The following SNX13 variants were observed in gnomAD, a reference collection of about 807,000 sequenced individuals.
The protein encoded by SNX13 is sorting nexin 13, also known as sorting nexin-13.
A neutral mutation model predicts 133.6 loss-of-function variants in SNX13; 45 were observed. The observed-to-expected ratio is 0.34, with a 90% CI of 0.27 to 0.43. The LOEUF (loss-of-function observed/expected upper bound fraction) is 0.43. Among genes scored for constraint, SNX13 ranks in the 20% least tolerant of loss-of-function variants. The pLI is 1.00. For synonymous variants in SNX13, 414 were observed against 373.9 expected (o/e 1.11, Z -1.24); for missense variants, 1,032 against 1,145.1 (o/e 0.90, Z 1.43).
At chr7:17,891,991 C>G (rs1253274979) in intron 3 of SNX13, among the ~76,000 whole-genome samples, 1 of 152,052 alleles carries the variant, frequency 6.6e-6, no homozygotes, top group Non-Finnish European at 1.5e-5. Context: ...TGCCCCTCCC[C>G]TTTCCCAGCC....
chr7:17,839,591 T>C (rs962405051), intron 13 of SNX13, among the ~76,000 whole-genome samples: 1 of 152,020 alleles, frequency 6.6e-6, no homozygotes, highest in South Asian at 2.1e-4. Context: ...TTGAATCTTA[T>C]TCTATCATTT....
At chr7:17,797,799 A>G (rs2128283592) in intron 24 of SNX13, among the ~76,000 whole-genome samples, 1 of 151,984 alleles carries the variant, frequency 6.6e-6, no homozygotes, top group South Asian at 2.1e-4. Context: ...CAGGGCAGCT[A>G]GTCCAAGTTT....
intron 12 of SNX13, among the ~76,000 whole-genome samples, chr7:17,843,138 A>T (rs924890054): frequency 1.3e-5 from 2 of 152,036 alleles, no homozygotes; most frequent in African/African-American, 4.8e-5. Flanking sequence ...CAAAAGACAG[A>T]GACTGGCAGA....
At position 17,807,658 on chromosome 7, in the gene SNX13, GCCT is replaced by G. The variant is rs1427954495; in HGVS notation, c.2065-4081_2065-4079del. 2.0e-5 allele frequency among the ~76,000 whole-genome samples: 3 copies of G among 152,156 alleles called. No individual in the cohort carries two copies. In the East Asian group the frequency reaches 5.8e-4, roughly 29 times the overall value. ...CCTCATGTGGGTCCCTGAGCCCCAT[GCCT>G]CCTGACTGGGAGACACCTCCCATCA... On this transcript the variant is annotated intron_variant, in intron 20 of 25. Coordinates refer to ENST00000428135, the MANE Select transcript of SNX13 (RefSeq NM_015132.5).
rs537194491 is a variant in SNX13 at position 17,815,963 on chromosome 7, G to T, written c.1953+219C>A. Among the ~76,000 whole-genome samples, 27 of 152,230 alleles carry T rather than the reference G, an allele frequency of 1.8e-4. 1 individual carries two copies. In the South Asian group the frequency reaches 5.0e-3, roughly 28 times the overall value. ...CACAAACAAGCAAAATCCCTAACAT[G>T]GAGTGTCTAGAAAACTTCTAAGTTA... On this transcript the variant is annotated intron_variant, in intron 19 of 25. Transcript: ENST00000428135.
chr7:17,901,286 G>A (rs1039525547), intron 1 of SNX13, among the ~76,000 whole-genome samples: 1 of 152,158 alleles, frequency 6.6e-6, no homozygotes, highest in Non-Finnish European at 1.5e-5. Flanking sequence ...CTTGGGGTGG[G>A]AGGAAGGGTG....
intron 1 of SNX13, among the ~76,000 whole-genome samples, chr7:17,909,834 C>T (rs940592511): frequency 2.0e-5 from 3 of 152,184 alleles, no homozygotes; most frequent in African/African-American, 7.2e-5. Flanking sequence ...ACCTATGTAA[C>T]AAATCTGCAC....
intron 1 of SNX13, among the ~76,000 whole-genome samples, chr7:17,917,201 C>T (rs1321378634): frequency 6.6e-6 from 1 of 152,126 alleles, no homozygotes; most frequent in East Asian, 1.9e-4. Context: ...CACCCACAGC[C>T]AACATCATCA....
At chr7:17,922,752 C>A in intron 1 of SNX13, among the ~76,000 whole-genome samples, 1 of 95,992 alleles carries the variant, frequency 1.0e-5, no homozygotes, top group East Asian at 3.2e-4. Context: ...TAAACAAAAA[C>A]TACTGGGAAA....
chr7:17,901,484 C>A (rs764977680), intron 1 of SNX13, among the ~76,000 whole-genome samples: 1 of 152,150 alleles, frequency 6.6e-6, no homozygotes, highest in Non-Finnish European at 1.5e-5. Context: ...CAGGTTCCAA[C>A]CACTGGGATG....
intron 9 of SNX13, among the ~76,000 whole-genome samples, chr7:17,867,479 A>G (rs977884857): frequency 3.3e-5 from 5 of 151,944 alleles, no homozygotes; most frequent in African/African-American, 1.2e-4. Context: ...GTGGTGGTGC[A>G]TGCCTGTGTC....
At chr7:17,903,792 C>T (rs998619710) in intron 1 of SNX13, among the ~76,000 whole-genome samples, 1 of 152,066 alleles carries the variant, frequency 6.6e-6, no homozygotes, top group Non-Finnish European at 1.5e-5. Context: ...ATGCTTTTAT[C>T]TAAATATTAA....
Position 17,801,657 on chromosome 7 carries a change from C to G in SNX13, c.2229G>C (p.Val743=). 6.2e-7 allele frequency: 1 copy of G among 1,604,354 alleles called. No individual in the cohort carries two copies. The change falls in exon 22 of 26, where the codon GTG becomes GTC. Residue 743 remains valine, a splice_region_variant and synonymous_variant. Transcript: ENST00000428135. ...GQDIKQSFFK[V]PPLIPKTDSD... is the part of the protein sequence containing the mutation. ...AATCAGTCTTAGGAATTAAAGGAGG[C>G]ACCTAAAAATAAAACCAAATCCACA... is the stretch of plus-strand genomic sequence containing the variant.
intron 20 of SNX13, among the ~76,000 whole-genome samples, chr7:17,813,722 G>A (rs1179524016): frequency 1.3e-5 from 2 of 151,748 alleles, no homozygotes; most frequent in Non-Finnish European, 2.9e-5. Flanking sequence ...GAGTATCTGG[G>A]ACTATAGGTG....
chr7:17,897,410 T>C lies in SNX13; in HGVS notation c.49A>G (p.Ile17Val), dbSNP rs756116314. The change falls in exon 2 of 26, where the codon ATT (isoleucine) becomes GTT (valine). Residue 17 changes from isoleucine to valine, a missense_variant. Transcript: ENST00000428135. ...LSIWGWGSLG[I>V]VLFLITFGPF... ...CCAAAGGTTATCAGAAAAAGGACAA[T>C]GCCAAGGCTTCCCCATCCCCATATG... 7 of 1,603,638 alleles carry C rather than the reference T, an allele frequency of 4.4e-6. No homozygotes were observed. The highest frequency in any genetic ancestry group is 5.1e-6 in the Non-Finnish European group (6 of 1,174,398).
intron 18 of SNX13, among the ~76,000 whole-genome samples, chr7:17,820,681 A>G (rs576287186): frequency 6.6e-6 from 1 of 152,254 alleles, no homozygotes; most frequent in East Asian, 1.9e-4. Context: ...TAAGTTGAAA[A>G]AGATAATTTC....
chr7:17,928,458 A>G (rs1348668128), intron 1 of SNX13, among the ~76,000 whole-genome samples: 1 of 152,204 alleles, frequency 6.6e-6, no homozygotes, highest in East Asian at 1.9e-4. Flanking sequence ...ATAACAGCTA[A>G]GTGATAAAAC....
In SNX13 at chr7:17,793,276, A is replaced by G. The variant is rs1252242412; in HGVS notation, c.*769T>C. 1 of 152,382 alleles carries G rather than the reference A, an allele frequency of 6.6e-6. No individual in the cohort carries two copies. Among genetic ancestry groups the G allele is most frequent in the Non-Finnish European group, 1.5e-5 (1 of 67,878 alleles). 9.4% of individuals were successfully genotyped at this position (152,382 alleles called of 1,614,324 possible). ...TAAAACTAATAATTTTGAAATTTAAATGAGAGCCACCACATGCTTCTTTTT... is the reference window on the plus strand; with the variant it reads ...TAAAACTAATAATTTTGAAATTTAAGTGAGAGCCACCACATGCTTCTTTTT... On this transcript the variant is annotated 3_prime_UTR_variant, in exon 26 of 26. Transcript: ENST00000428135.
intron 1 of SNX13, chr7:17,900,103 TG>T (rs1352307970): frequency 1.3e-5 from 2 of 152,258 alleles, no homozygotes; most frequent in Non-Finnish European, 2.9e-5. Flanking sequence ...AAATAAGATG[TG>T]GAAGAATTAT....
Sources: gnomAD v4.1 joint callset for allele counts (sites outside exome capture counted in the v4.1 genomes callset) on GRCh38, gnomAD v4.1.1 for gene constraint, MANE v1.5 for transcripts, NCBI Gene and HGNC (gene_info 2026-07-23, HGNC 2026-07-21) for gene names.